Variants in RDX observed in about 807,000 individuals in gnomAD.
RDX encodes the protein radixin.
Under a neutral mutation model 83.7 loss-of-function variants are expected in RDX, and 32 were observed. The ratio of observed to expected loss-of-function variants is 0.38; its 90% CI spans 0.29 to 0.51. The LOEUF is 0.51. Among genes scored for constraint, RDX ranks in the 20% least tolerant of loss-of-function variants. The pLI, the probability that RDX is intolerant of heterozygous loss-of-function variation, is 0.87. For synonymous variants in RDX, 229 were observed against 222.7 expected, an observed-to-expected ratio of 1.03 and a Z score of -0.25; for missense variants, 600 against 689.9, an observed-to-expected ratio of 0.87 and a Z score of 1.46.
At chr11:110,255,229 T>G (rs1859491315) in intron 8 of RDX, 60 bp downstream of exon 8, 1 of 883,072 alleles carries the variant, frequency 1.1e-6, no homozygotes, top group African/African-American at 1.7e-5. Flanking sequence ...TCAAGTGATA[T>G]CATGGGAAAC....
intron 14 of RDX, among the ~76,000 whole-genome samples, chr11:110,216,946 A>G (rs1342454833): frequency 6.6e-6 from 1 of 152,230 alleles, no homozygotes; most frequent in Non-Finnish European, 1.5e-5. Context: ...GTATAGCAAC[A>G]CAGGGCCTAC....
intron 3 of RDX, among the ~76,000 whole-genome samples, chr11:110,267,508 G>A (rs939569526): frequency 1.1e-4 from 13 of 123,672 alleles, no homozygotes; most frequent in African/African-American, 3.3e-4. Context: ...GCGAGACTCC[G>A]TCTCAAAACA....
intron 14 of RDX, among the ~76,000 whole-genome samples, chr11:110,202,074 C>T (rs895975147): frequency 6.6e-6 from 1 of 151,994 alleles, no homozygotes; most frequent in Non-Finnish European, 1.5e-5. Flanking sequence ...GCCACTGCGC[C>T]CGGCCTAGTT....
chr11:110,217,089 T>C (rs939607064), intron 14 of RDX, among the ~76,000 whole-genome samples: 1 of 152,186 alleles, frequency 6.6e-6, no homozygotes, highest in African/African-American at 2.4e-5. Context: ...GCATCTACCA[T>C]CTTGATTTAA....
intron 15 of RDX, among the ~76,000 whole-genome samples, chr11:110,182,136 C>T (rs1862899712): frequency 6.6e-6 from 1 of 152,248 alleles, no homozygotes; most frequent in South Asian, 2.1e-4. Context: ...CCCTTCTCCT[C>T]TGAGCTCTCA....
intron 3 of RDX, among the ~76,000 whole-genome samples, chr11:110,270,470 C>T (rs150886089): frequency 1.1e-4 from 17 of 152,210 alleles, no homozygotes; most frequent in African/African-American, 3.1e-4. Flanking sequence ...TGTCATTATG[C>T]GGCACATGAC....
At chr11:110,235,546 T>C (rs1864812223) in intron 12 of RDX, among the ~76,000 whole-genome samples, 1 of 152,192 alleles carries the variant, frequency 6.6e-6, no homozygotes, top group Non-Finnish European at 1.5e-5. Context: ...TATCTGATCA[T>C]GTTACAATCC....
rs199520087 is a variant in RDX, at chr11:110,237,670, T to G, written c.1091-18A>C. 17 of 1,612,454 alleles carry G rather than the reference T, an allele frequency of 1.1e-5. No homozygotes were observed. Among genetic ancestry groups the G allele is most frequent in the Non-Finnish European group, 1.3e-5 (15 of 1,178,648 alleles). On this transcript the variant is annotated intron_variant, in intron 10 of 13. Transcript: ENST00000645495. ...TTCTAGTTCTATGAAATATGTGTAT[T>G]CCCCCCAACAGTGATTAATTCCAAT...
In RDX at chr11:110,238,939, A is replaced by AAAAAAAAAAAAAAAC. The variant is rs1565308745; in HGVS notation, c.1091-1288_1091-1287insGTTTTTTTTTTTTTT. ...GACTCTGTCTCAAAAAAAAAAAAAA[A>AAAAAAAAAAAAAAAC]AAACAAAAAAAACACTTGGAAGGTT... On this transcript the variant is annotated intron_variant, in intron 10 of 13. Coordinates refer to ENST00000645495, the MANE Select transcript of RDX (RefSeq NM_002906.4). Among the ~76,000 whole-genome samples, 2 of 144,890 alleles carry AAAAAAAAAAAAAAAC rather than the reference A, an allele frequency of 1.4e-5. 1 individual carries two copies.
chr11:110,179,112 C>T (rs990188008), intron 15 of RDX, among the ~76,000 whole-genome samples: 1 of 152,168 alleles, frequency 6.6e-6, no homozygotes, highest in Non-Finnish European at 1.5e-5. Flanking sequence ...GGGGAAGCTG[C>T]CGCAATGGCC....
At chr11:110,277,181 C>T (rs1860552740) in intron 2 of RDX, among the ~76,000 whole-genome samples, 2 of 152,138 alleles carry the variant, frequency 1.3e-5, no homozygotes, top group African/African-American at 4.8e-5. Flanking sequence ...ACAATAAACA[C>T]TCTCCACTCA....
At chr11:110,259,824 TAA>T (rs1424724779) in intron 5 of RDX, among the ~76,000 whole-genome samples, 1 of 152,104 alleles carries the variant, frequency 6.6e-6, no homozygotes. Context: ...ATAAATGAAT[TAA>T]TCAATTTTTC....
intron 14 of RDX, among the ~76,000 whole-genome samples, chr11:110,220,058 A>AT (rs941968034): frequency 2.0e-5 from 3 of 152,126 alleles, no homozygotes; most frequent in Non-Finnish European, 4.4e-5. Flanking sequence ...ACCATAAACT[A>AT]TTTACTGCTT....
intron 15 of RDX, among the ~76,000 whole-genome samples, chr11:110,186,216 A>G (rs937059623): frequency 7.2e-5 from 11 of 152,258 alleles, no homozygotes; most frequent in Admixed American, 1.3e-4. Context: ...CTGAGACTTC[A>G]GCTTCCCATC....
At chr11:110,268,633 T>C (rs572770534) in intron 3 of RDX, among the ~76,000 whole-genome samples, 2 of 152,270 alleles carry the variant, frequency 1.3e-5, no homozygotes, top group South Asian at 2.1e-4. Context: ...TGCCCCACAG[T>C]GGGCACAGGG....
Position 110,237,610 on chromosome 11 carries a change from T to C in RDX, c.1133A>G (p.Glu378Gly). The change falls in exon 11 of 14, where the codon GAA becomes GGA. Residue 378 changes from glutamate (E) to glycine (G), a missense_variant. Transcript: ENST00000645495. ...TGCTTCTTCTTTTGCTCGTTTTCGT[T>C]CTTGATCCAGTTCTAGAGCTTTTCG... is the stretch of plus-strand genomic sequence containing the variant. The part of the protein sequence containing the change: ...QTRKALELDQ[E>G]RKRAKEEAER... The C allele has an allele frequency of 6.2e-7, 1 of 1,614,214 alleles. No individual in the cohort carries two copies.
At chr11:110,187,652 T>C (rs374034031) in intron 15 of RDX, among the ~76,000 whole-genome samples, 1 of 152,234 alleles carries the variant, frequency 6.6e-6, no homozygotes, top group Admixed American at 6.5e-5. Flanking sequence ...TGGCTGCCCA[T>C]TGGACCTCTT....
intron 15 of RDX, among the ~76,000 whole-genome samples, chr11:110,194,549 C>A (rs1863163974): frequency 6.6e-6 from 1 of 152,160 alleles, no homozygotes; most frequent in Non-Finnish European, 1.5e-5. Flanking sequence ...TTCTTGCATT[C>A]CCAGGTCTTA....
intron 1 of RDX, among the ~76,000 whole-genome samples, chr11:110,287,609 G>A (rs983694170): frequency 6.6e-6 from 1 of 152,116 alleles, no homozygotes; most frequent in Non-Finnish European, 1.5e-5. Context: ...TCATCCCAAA[G>A]TGAAGCAAAG....
Sources: allele counts gnomAD v4.1 joint callset (sites outside exome capture counted in the v4.1 genomes callset), GRCh38; gene constraint gnomAD v4.1.1; transcripts MANE v1.5; gene names NCBI Gene and HGNC (gene_info 2026-07-23, HGNC 2026-07-21).